The following RPS6KA3 variants were observed in gnomAD, a reference collection of about 807,000 sequenced individuals.
RPS6KA3 encodes the protein ribosomal protein S6 kinase alpha-3.
Under a neutral mutation model 67.2 loss-of-function variants are expected in RPS6KA3, and 4 were observed. The observed-to-expected ratio is 0.06, with a 90% CI of 0.03 to 0.14. The LOEUF is 0.14. Ranked by LOEUF, RPS6KA3 falls within the 10% of genes least tolerant of loss-of-function variation. The pLI is 1.00. For synonymous variants in RPS6KA3, 182 were observed against 183.7 expected, an observed-to-expected ratio of 0.99 and a Z score of 0.07; for missense variants, 204 against 559.0, an observed-to-expected ratio of 0.36 and a Z score of 6.40.
At chrX:20,211,617 T>A (rs1241617081) in intron 2 of RPS6KA3, among the ~76,000 whole-genome samples, 1 of 110,374 alleles carries the variant, frequency 9.1e-6, no homozygotes, top group African/African-American at 3.3e-5. Flanking sequence ...AATATTTGTA[T>A]CCTTAAAATT....
At chrX:20,193,411 T>C in intron 7 of RPS6KA3, 76 bp downstream of exon 7, 1 of 602,261 alleles carries the variant, frequency 1.7e-6, no homozygotes, top group Non-Finnish European at 2.8e-6. Flanking sequence ...GGGAGTTTCA[T>C]GAAGCCACTT....
chrX:20,207,838 C>T (rs1278222031), intron 3 of RPS6KA3, among the ~76,000 whole-genome samples: 7 of 111,927 alleles, frequency 6.3e-5, no homozygotes, highest in Admixed American at 3.8e-4. Context: ...CTATGTTAGC[C>T]AAGAATTGCT....
At chrX:20,261,276 T>C (rs1385130401) in intron 1 of RPS6KA3, among the ~76,000 whole-genome samples, 1 of 111,905 alleles carries the variant, frequency 8.9e-6, no homozygotes, top group Admixed American at 9.5e-5. Flanking sequence ...AACAATGTTT[T>C]ATATATTTCA....
intron 2 of RPS6KA3, among the ~76,000 whole-genome samples, chrX:20,218,578 C>T (rs779987569): frequency 9.0e-6 from 1 of 111,268 alleles, no homozygotes; most frequent in South Asian, 3.7e-4. Context: ...AAAAAAACAA[C>T]GTAAAAGTCA....
intron 7 of RPS6KA3, among the ~76,000 whole-genome samples, chrX:20,193,234 C>A (rs927489365): frequency 1.8e-5 from 2 of 110,864 alleles, no homozygotes; most frequent in Admixed American, 9.6e-5. Flanking sequence ...GCTGAGATTG[C>A]GCCACTGCAC....
chrX:20,186,047 C>A (rs1188998336), intron 10 of RPS6KA3, among the ~76,000 whole-genome samples: 4 of 111,109 alleles, frequency 3.6e-5, no homozygotes. Context: ...TCAAGGGATT[C>A]TCCCACCTCA....
At chrX:20,267,055 G>C, upstream of RPS6KA3, 2 of 754,986 alleles carry the variant, frequency 2.6e-6, no homozygotes, top group South Asian at 6.7e-5. Flanking sequence ...CTCAAAGCGA[G>C]GCTCGGCCGC....
intron 10 of RPS6KA3, among the ~76,000 whole-genome samples, chrX:20,178,636 CTTTTTTTTTTTT>C (rs757383642): frequency 1.0e-4 from 4 of 39,444 alleles, no homozygotes; most frequent in Middle Eastern, 0.024. Flanking sequence ...CCACACCTGG[CTTTTTTTTTTTT>C]TTTTTTTTTT....
rs377099283 is a variant in RPS6KA3 at position 20,157,319 on chromosome X, T to G, written c.1960-1070A>C. ...ACACAGAAATGAAGTCTAGGCAACA[T>G]TGTGAGGTCCTGTATCTACAATTTT... On this transcript the variant is annotated intron_variant, in intron 20 of 21. Transcript: ENST00000379565. Among the ~76,000 whole-genome samples, 215 of 96,982 alleles carry G rather than the reference T, an allele frequency of 2.2e-3. 2 individuals carry two copies. The highest frequency in any genetic ancestry group is 0.01 in the Middle Eastern group (2 of 198). The allele number at this position is 96,982 out of a possible 115,157, so 84.2% of individuals were successfully genotyped here.
chrX:20,156,298 T>C (rs2067186438), intron 20 of RPS6KA3, 49 bp from the exon 21 acceptor site: 1 of 1,127,454 alleles, frequency 8.9e-7, no homozygotes, highest in Middle Eastern at 2.4e-4. Flanking sequence ...TTTGCTTCTT[T>C]TTCTATGGCT....
chrX:20,169,641 T>C (rs1373427590), intron 15 of RPS6KA3, 150 bp from the exon 16 acceptor site: 9 of 520,083 alleles, frequency 1.7e-5, no homozygotes, highest in African/African-American at 9.1e-5. Context: ...CCTGGCCAGA[T>C]TGTTTAATCA....
intron 2 of RPS6KA3, among the ~76,000 whole-genome samples, chrX:20,212,660 G>A (rs141599637): frequency 0.024 from 2,665 of 110,097 alleles, 79 homozygotes; most frequent in African/African-American, 0.079. Context: ...GATCGCTTGA[G>A]CCCAGGAGGT....
chrX:20,232,582 CAAACAAACAAACAAA>C (rs775599033), intron 2 of RPS6KA3, among the ~76,000 whole-genome samples: 33 of 110,349 alleles, frequency 3.0e-4, no homozygotes, highest in Middle Eastern at 4.6e-3. Context: ...AAAAAACAAA[CAAACAAACAAACAAA>C]AAACAAACAA....
intron 14 of RPS6KA3, among the ~76,000 whole-genome samples, chrX:20,173,688 C>T (rs1382803376): frequency 1.8e-5 from 2 of 112,572 alleles, no homozygotes; most frequent in Admixed American, 1.9e-4. Flanking sequence ...AATTTAAAAA[C>T]TTGCCATACA....
At chrX:20,246,926 G>A (rs2069705606) in intron 1 of RPS6KA3, among the ~76,000 whole-genome samples, 1 of 111,084 alleles carries the variant, frequency 9.0e-6, no homozygotes, top group African/African-American at 3.3e-5. Flanking sequence ...ATGTTTTTAG[G>A]TGAACTGACT....
intron 1 of RPS6KA3, among the ~76,000 whole-genome samples, chrX:20,254,609 C>A (rs1341505858): frequency 1.8e-5 from 2 of 111,982 alleles, no homozygotes; most frequent in African/African-American, 6.5e-5. Context: ...ACTAAGTTTT[C>A]TGAGAAGAAA....
rs1324072130 is a variant in RPS6KA3, at chrX:20,251,671, T to G, written c.69+14893A>C. 2.7e-5 allele frequency among the ~76,000 whole-genome samples: 3 copies of G among 113,180 alleles called. No homozygotes were observed. The East Asian group carries it at 8.3e-4, about 31-fold the overall frequency. On this transcript the variant is annotated intron_variant, in intron 1 of 21. Coordinates refer to ENST00000379565, the MANE Select transcript of RPS6KA3 (RefSeq NM_004586.3). ...ACATAAAATTCACTATCTCAACTATTTTAAGTGTATGGTTTAGTAGTATTA... is the reference window on the plus strand; with the variant it reads ...ACATAAAATTCACTATCTCAACTATGTTAAGTGTATGGTTTAGTAGTATTA...
intron 1 of RPS6KA3, among the ~76,000 whole-genome samples, chrX:20,239,910 C>G (rs1199897604): frequency 9.0e-6 from 1 of 111,437 alleles, no homozygotes; most frequent in Non-Finnish European, 1.9e-5. Flanking sequence ...TCATTTTAAG[C>G]AACTTTATTA....
At chrX:20,214,365 A>T (rs980824272) in intron 2 of RPS6KA3, among the ~76,000 whole-genome samples, 1 of 112,417 alleles carries the variant, frequency 8.9e-6, no homozygotes, top group Non-Finnish European at 1.9e-5. Flanking sequence ...CACATCTGTA[A>T]ATGTTGTTAT....
Sources: allele counts gnomAD v4.1 joint callset (sites outside exome capture counted in the v4.1 genomes callset), GRCh38; gene constraint gnomAD v4.1.1; transcripts MANE v1.5; gene names NCBI Gene and HGNC (gene_info 2026-07-23, HGNC 2026-07-21).